MAP1S: variants seen among roughly 807,000 people sequenced by gnomAD.
MAP1S encodes microtubule-associated protein 1S.
MAP1S carries 27 observed loss-of-function variants against 60.9 expected under a neutral mutation model. The ratio of observed to expected loss-of-function variants is 0.44; its 90% CI spans 0.33 to 0.61. The LOEUF is 0.61. MAP1S is among the 20% of genes least tolerant of loss of function. MAP1S has a pLI of 0.03. For missense variants in MAP1S, 1,608 were observed against 1,486.6 expected, an observed-to-expected ratio of 1.08 and a Z score of -1.34; for synonymous variants, 826 against 694.2, an observed-to-expected ratio of 1.19 and a Z score of -2.98.
Position 17,727,397 on chromosome 19 carries a change from A to G in MAP1S, c.2013A>G (p.Thr671=), listed in dbSNP as rs766833588. Residue 671 remains threonine (T), a synonymous_variant, in exon 5 of 7, where the codon ACA becomes ACG. Coordinates refer to ENST00000324096, the MANE Select transcript of MAP1S (RefSeq NM_018174.6). This position sits in a 1 kb window ranked among gnomAD's most constrained non-coding sequence, Gnocchi z 4.1. ...GGEAGPDASP[T]VTTPTVTTPS... is the part of the protein sequence containing the mutation. ...AGGCCGGGCCAGACGCCTCACCCAC[A>G]GTGACCACACCCACGGTGACCACGC... 8.8e-6 allele frequency: 14 copies of G among 1,596,570 alleles called. No individual in the cohort carries two copies. The South Asian group carries it at 1.3e-4, about 15-fold the overall frequency.
chr19:17,726,862 G>C lies in MAP1S; in HGVS notation c.1478G>C (p.Arg493Thr). 6.4e-7 allele frequency: 1 copy of C among 1,555,088 alleles called. No homozygotes were observed. Among genetic ancestry groups the C allele is most frequent in the Middle Eastern group, 1.7e-4 (1 of 5,988 alleles). ...KREGLLATHP[R>T]PGQERPGVAR... Reference sequence around the variant, plus strand: ...GAGGGCCTCCTGGCCACCCACCCTAGACCTGGCCAGGAGCGCCCTGGGGTG... The same window carrying C: ...GAGGGCCTCCTGGCCACCCACCCTACACCTGGCCAGGAGCGCCCTGGGGTG... Residue 493 changes from arginine to threonine, a missense_variant, in exon 5 of 7, where the codon AGA becomes ACA. Arg to Thr is a moderately conservative substitution (Grantham distance 71, BLOSUM62 -1). Around this residue, in one of 4 missense-constraint regions of MAP1S, gnomAD observed 1,167 missense variants for 961.4 expected, o/e 1.21. Coordinates refer to ENST00000324096, the MANE Select transcript of MAP1S (RefSeq NM_018174.6).
intron 5 of MAP1S, among the ~76,000 whole-genome samples, chr19:17,730,813 A>AT (rs906960085): frequency 6.7e-6 from 1 of 149,306 alleles, no homozygotes. Flanking sequence ...CATTTTGTCT[A>AT]TTTTTTTCTT....
intron 5 of MAP1S, among the ~76,000 whole-genome samples, chr19:17,729,290 T>C (rs771096587): frequency 9.2e-5 from 14 of 152,156 alleles, no homozygotes; most frequent in Non-Finnish European, 2.1e-4. Flanking sequence ...AGGTTTCCTA[T>C]TGGGCCATTA....
chr19:17,729,282 G>A (rs1196711465), intron 5 of MAP1S, among the ~76,000 whole-genome samples: 1 of 151,968 alleles, frequency 6.6e-6, no homozygotes, highest in Non-Finnish European at 1.5e-5. Flanking sequence ...GCATGCCCAG[G>A]TTTCCTATTG....
At chr19:17,720,667 G>T in intron 1 of MAP1S, 2 of 685,522 alleles carry the variant, frequency 2.9e-6, no homozygotes, top group Non-Finnish European at 4.8e-6. Flanking sequence ...AACGGGTCTG[G>T]CAGGGCATAG....
Position 17,726,050 on chromosome 19 carries a change from C to T in MAP1S, c.666C>T (p.Ser222=), listed in dbSNP as rs144311962. 7.1e-5 allele frequency: 114 copies of T among 1,613,386 alleles called. 1 individual carries two copies. The African/African-American group carries it at 1.4e-3, about 20-fold the overall frequency. Reference sequence around the variant, plus strand: ...TGGCTGAGTCTCTGGAGCCACCGTCCCCCTTCGAGCTGCTGGAGCCCCCGA... The same window carrying T: ...TGGCTGAGTCTCTGGAGCCACCGTCTCCCTTCGAGCTGCTGGAGCCCCCGA... ...EYVAESLEPP[S]PFELLEPPTS... Residue 222 remains serine, a synonymous_variant, in exon 5 of 7, where the codon TCC becomes TCT. Coordinates refer to ENST00000324096, the MANE Select transcript of MAP1S (RefSeq NM_018174.6).
At position 17,726,767 on chromosome 19, in the gene MAP1S, C is replaced by G. The variant is rs527497002; in HGVS notation, c.1383C>G (p.Pro461=). The change falls in exon 5 of 7, where the codon CCC becomes CCG. Residue 461 remains proline (P), a synonymous_variant. Transcript: ENST00000324096. ...LRFLREPVVT[P]QDLEGPGRAE... Reference sequence around the variant, plus strand: ...TCCTGCGAGAGCCCGTGGTGACGCCCCAGGACCTGGAGGGGCCGGGGCGAG... The same window carrying G: ...TCCTGCGAGAGCCCGTGGTGACGCCGCAGGACCTGGAGGGGCCGGGGCGAG... 2 of 1,559,214 alleles carry G rather than the reference C, an allele frequency of 1.3e-6. No individual in the cohort carries two copies. The highest frequency in any genetic ancestry group is 2.7e-5 in the African/African-American group (2 of 73,380).
rs1335111168 is a variant in MAP1S at position 17,719,582 on chromosome 19, C to T, written c.80C>T (p.Pro27Leu). 3 of 1,245,534 alleles carry T rather than the reference C, an allele frequency of 2.4e-6. No homozygotes were observed. Among genetic ancestry groups the T allele is most frequent in the African/African-American group, 1.6e-5 (1 of 64,366 alleles). The allele number at this position is 1,245,534 out of a possible 1,614,324, so 77.2% of individuals were successfully genotyped here. A position where few individuals can be genotyped will look rare whatever the true frequency, so the allele number is the denominator to read the frequency against. ...LLVVGSEFGSPGLLTYVLEEL... is the reference protein window; with the variant it reads ...LLVVGSEFGSLGLLTYVLEEL... Reference sequence around the variant, plus strand: ...GTGGTGGGCAGCGAGTTCGGGAGCCCGGGGCTCCTCACCTACGTCCTGGAG... The same window carrying T: ...GTGGTGGGCAGCGAGTTCGGGAGCCTGGGGCTCCTCACCTACGTCCTGGAG... The change falls in exon 1 of 7, where the codon CCG (proline) becomes CTG (leucine). Residue 27 changes from proline to leucine, a missense_variant. Around this residue, in one of 4 missense-constraint regions of MAP1S, gnomAD observed 320 missense variants for 393.1 expected, o/e 0.81. Transcript: ENST00000324096.
rs770958379 is a variant in MAP1S at position 17,727,842 on chromosome 19, C to T, written c.2458C>T (p.Arg820Cys). ...DEDTEGFGVPRHDPLPDPLKV... is the reference protein window; with the variant it reads ...DEDTEGFGVPCHDPLPDPLKV... ...AGACACAGAGGGCTTTGGAGTCCCT[C>T]GCCACGACCCTTTGCCTGACCCCCT... is the stretch of plus-strand genomic sequence containing the variant. The change falls in exon 5 of 7, where the codon CGC becomes TGC. Residue 820 changes from arginine to cysteine, a missense_variant. Physicochemically the swap from Arg to Cys is radical, Grantham distance 180. Coordinates refer to ENST00000324096, the MANE Select transcript of MAP1S (RefSeq NM_018174.6). This position sits in a 1 kb window ranked among gnomAD's most constrained non-coding sequence, Gnocchi z 4.1. The T allele has an allele frequency of 2.1e-5, 34 of 1,613,392 alleles. No individual in the cohort carries two copies. Among genetic ancestry groups the T allele is most frequent in the East Asian group, 6.7e-5 (3 of 44,866 alleles).
intron 2 of MAP1S, 118 bp downstream of exon 2, chr19:17,721,155 GAGACC>G: frequency 1.2e-6 from 1 of 836,620 alleles, no homozygotes; most frequent in Non-Finnish European, 2.1e-6. Context: ...TAATACAGTT[GAGACC>G]TTTCAAATGC....
intron 2 of MAP1S, among the ~76,000 whole-genome samples, chr19:17,722,474 C>T (rs1301557020): frequency 1.2e-5 from 1 of 83,966 alleles, no homozygotes; most frequent in Non-Finnish European, 2.6e-5. Flanking sequence ...TTAGGCCTGA[C>T]ATGGTGGCTC....
chr19:17,727,926 C>G lies in MAP1S; in HGVS notation c.2542C>G (p.Leu848Val), dbSNP rs2080456468. ...SSICMVDPEMLPPKTARQTEN... is the reference protein window; with the variant it reads ...SSICMVDPEMVPPKTARQTEN... ...CATCTGCATGGTGGACCCCGAGATG[C>G]TGCCCCCCAAGACAGCACGGCAAAC... Residue 848 changes from leucine to valine, a missense_variant, in exon 5 of 7, where the codon CTG (leucine) becomes GTG (valine). Transcript: ENST00000324096. The surrounding 1 kb of genome is among the most constrained non-coding windows in gnomAD (Gnocchi z 4.1). The G allele has an allele frequency of 1.9e-6, 3 of 1,610,562 alleles. No individual in the cohort carries two copies. Among genetic ancestry groups the G allele is most frequent in the Non-Finnish European group, 2.5e-6 (3 of 1,178,830 alleles).
At chr19:17,720,513 C>T (rs1425235039) in intron 1 of MAP1S, 3 of 1,502,184 alleles carry the variant, frequency 2.0e-6, no homozygotes, top group South Asian at 2.6e-5. Flanking sequence ...GATGAGAAGG[C>T]TGCAAGGGAC....
At chr19:17,724,039 TG>T (rs1364169531) in intron 2 of MAP1S, 86 bp from the exon 3 acceptor site, 2 of 971,418 alleles carry the variant, frequency 2.1e-6, no homozygotes, top group African/African-American at 1.6e-5. Flanking sequence ...ATATGATCCC[TG>T]GGTGGGTTCC....
At chr19:17,720,782 G>A (rs56149143) in intron 1 of MAP1S, 154 bp from the exon 2 acceptor site, 115,624 of 689,226 alleles carry the variant, frequency 0.17, 10,887 homozygotes, top group Middle Eastern at 0.19. Context: ...CAGCTGCAGC[G>A]AGACCTGAAG....
At position 17,733,183 on chromosome 19, in the gene MAP1S, C is replaced by G. The variant is rs925383079; in HGVS notation, c.2789-10C>G. 13 of 1,521,580 alleles carry G rather than the reference C, an allele frequency of 8.5e-6. No individual in the cohort carries two copies. The highest frequency in any genetic ancestry group is 4.1e-5 in the African/African-American group (3 of 72,434). 94.3% of individuals were successfully genotyped at this position (1,521,580 alleles called of 1,614,324 possible). A position where few individuals can be genotyped will look rare whatever the true frequency, so the allele number is the denominator to read the frequency against. On this transcript the variant is annotated splice_polypyrimidine_tract_variant and intron_variant, in intron 5 of 6. Transcript: ENST00000324096. ...AGCTCATCCCTGCCTCCCCATCCCC[C>G]CGCCCGCAGGGTCAGCCAGCAGCCG... is the stretch of plus-strand genomic sequence containing the variant.
At position 17,723,709 on chromosome 19, in the gene MAP1S, G is replaced by C. The variant is rs535475518; in HGVS notation, c.221-417G>C. Among the ~76,000 whole-genome samples the C allele has an allele frequency of 9.2e-5, 14 of 152,206 alleles. 1 individual carries two copies. The highest frequency in any genetic ancestry group is 2.6e-4 in the Admixed American group (4 of 15,288). On this transcript the variant is annotated intron_variant, in intron 2 of 6. Transcript: ENST00000324096. ...ACTAAAAATACAAAAACTTAGCCGG[G>C]TGTGGTGGCGGGCACCTGTAGTCCT...
chr19:17,729,760 T>C (rs1049204710), intron 5 of MAP1S, among the ~76,000 whole-genome samples: 1 of 151,744 alleles, frequency 6.6e-6, no homozygotes, highest in African/African-American at 2.4e-5. Context: ...CCTCCCGGGG[T>C]CAAGCGATTC....
intron 5 of MAP1S, among the ~76,000 whole-genome samples, chr19:17,729,991 A>G (rs2056839383): frequency 6.6e-6 from 1 of 152,030 alleles, no homozygotes; most frequent in Admixed American, 6.6e-5. Context: ...ATTTTTCAGT[A>G]GCACTGGGGT....
Sources: gnomAD v4.1 joint callset for allele counts (sites outside exome capture counted in the v4.1 genomes callset) on GRCh38, gnomAD v4.1.1 for gene constraint, gnomAD v4.1.1 regional missense constraint, Gnocchi (gnomAD v3.1) non-coding constraint, MANE v1.5 for transcripts, NCBI Gene and HGNC (gene_info 2026-07-23, HGNC 2026-07-21) for gene names.